CASP5: variants seen among roughly 807,000 people sequenced by gnomAD.
CASP5 encodes caspase-5.
In CASP5, 42 loss-of-function variants were observed where a neutral mutation model predicts 45.2. That is an observed-to-expected ratio of 0.93 (90% CI 0.73 to 1.20). CASP5 has a LOEUF of 1.20. CASP5 is among the 50% of genes most tolerant of loss of function. CASP5 has a pLI of 0.00. For missense variants in CASP5, 512 were observed against 532.2 expected (o/e 0.96, Z 0.37); for synonymous variants, 209 against 186.2 (o/e 1.12, Z -1.00).
At chr11:105,015,982 A>G (rs1360832078) in intron 1 of CASP5, among the ~76,000 whole-genome samples, 1 of 152,240 alleles carries the variant, frequency 6.6e-6, no homozygotes, top group African/African-American at 2.4e-5. Context: ...ATGAATAAGT[A>G]TATTTTGAAA....
chr11:105,007,352 A>G lies in CASP5; in HGVS notation c.182-18T>C. ...GTTGTCTTCTGTCAGAAATAGAAAG[A>G]CTCCTTTAACTATGGGCACAGCTTA... On this transcript the variant is annotated intron_variant, in intron 2 of 9. Transcript: ENST00000260315. The G allele has an allele frequency of 6.3e-7, 1 of 1,583,798 alleles. No homozygotes were observed. Among genetic ancestry groups the G allele is most frequent in the Non-Finnish European group, 8.5e-7 (1 of 1,173,898 alleles).
At chr11:105,003,599 C>G (rs1446232643) in intron 3 of CASP5, among the ~76,000 whole-genome samples, 1 of 151,784 alleles carries the variant, frequency 6.6e-6, no homozygotes, top group Non-Finnish European at 1.5e-5. Context: ...GAAGAAGATG[C>G]AACTATAGAT....
Position 105,002,206 on chromosome 11 carries a change from A to G in CASP5, c.544-5T>C, listed in dbSNP as rs1255642179. On this transcript the variant is annotated splice_region_variant and splice_polypyrimidine_tract_variant and intron_variant, in intron 4 of 9. Coordinates refer to ENST00000260315, the MANE Select transcript of CASP5 (RefSeq NM_004347.5). Reference sequence around the variant, plus strand: ...TCTCTTTTTTATTGGATAGATCTGCAGGAGATGGAGATGAAGCAACTTTGA... The same window carrying G: ...TCTCTTTTTTATTGGATAGATCTGCGGGAGATGGAGATGAAGCAACTTTGA... 6.2e-7 allele frequency: 1 copy of G among 1,612,888 alleles called. No individual in the cohort carries two copies. The highest frequency in any genetic ancestry group is 1.3e-5 in the African/African-American group (1 of 74,784).
chr11:105,006,966 G>T, intron 3 of CASP5, 117 bp downstream of exon 3: 1 of 921,246 alleles, frequency 1.1e-6, no homozygotes. Context: ...CATGTTTACT[G>T]AAAATGAGAG....
In CASP5 at chr11:105,003,265, G is replaced by T. The variant is rs184984254; in HGVS notation, c.543+9C>A. 4.8e-6 allele frequency: 7 copies of T among 1,457,732 alleles called. No individual in the cohort carries two copies. The African/African-American group carries it at 5.6e-5, about 12-fold the overall frequency. 90.3% of individuals were successfully genotyped at this position (1,457,732 alleles called of 1,614,324 possible). A position where few individuals can be genotyped will look rare whatever the true frequency, so the allele number is the denominator to read the frequency against. The stretch of plus-strand genomic sequence containing the variant: ...TCTTCTTCCCCATTTCATACAGAGA[G>T]CACAGCACCTCATCATGATTTTTTT... On this transcript the variant is annotated intron_variant, in intron 4 of 9. Transcript: ENST00000260315.
intron 1 of CASP5, among the ~76,000 whole-genome samples, chr11:105,015,068 A>G (rs919295166): frequency 5.3e-5 from 8 of 152,326 alleles, no homozygotes; most frequent in African/African-American, 1.9e-4. Context: ...GAAAGTATTG[A>G]AGTGTGCAGC....
At chr11:105,012,150 T>C (rs1862381858) in intron 1 of CASP5, among the ~76,000 whole-genome samples, 3 of 151,780 alleles carry the variant, frequency 2.0e-5, no homozygotes, top group Non-Finnish European at 4.4e-5. Flanking sequence ...GTAAATTTAT[T>C]TTTGACAAAG....
intron 3 of CASP5, among the ~76,000 whole-genome samples, chr11:105,005,747 C>G (rs930952386): frequency 2.0e-5 from 3 of 152,102 alleles, no homozygotes; most frequent in African/African-American, 7.2e-5. Context: ...TCTGGGATTG[C>G]TAAAATCATT....
At chr11:105,018,782 A>G (rs1862776442) in intron 1 of CASP5, among the ~76,000 whole-genome samples, 1 of 140,690 alleles carries the variant, frequency 7.1e-6, no homozygotes, top group African/African-American at 2.6e-5. Context: ...CAGGAATTGA[A>G]CTCAGCTCTG....
intron 1 of CASP5, among the ~76,000 whole-genome samples, chr11:105,022,856 C>T (rs1261438451): frequency 6.6e-6 from 1 of 152,084 alleles, no homozygotes. Context: ...AAATAACTTA[C>T]TCTGTCTTTC....
At chr11:105,014,288 C>A (rs1203449249) in intron 1 of CASP5, among the ~76,000 whole-genome samples, 2 of 136,032 alleles carry the variant, frequency 1.5e-5, no homozygotes, top group Non-Finnish European at 3.3e-5. Flanking sequence ...AGTCTAAGAC[C>A]AGATGGCATT....
intron 3 of CASP5, among the ~76,000 whole-genome samples, chr11:105,005,565 T>C (rs1861963291): frequency 6.6e-6 from 1 of 152,100 alleles, no homozygotes; most frequent in Non-Finnish European, 1.5e-5. Flanking sequence ...GCTGTGCCAG[T>C]GTACTCAAAG....
chr11:105,021,315 TA>T (rs1485827549), intron 1 of CASP5, among the ~76,000 whole-genome samples: 5 of 145,358 alleles, frequency 3.4e-5, no homozygotes, highest in African/African-American at 1.2e-4. Flanking sequence ...AAATGGGATC[TA>T]ATTAAACTAA....
chr11:105,012,500 G>A (rs1465793368), intron 1 of CASP5, among the ~76,000 whole-genome samples: 1 of 151,742 alleles, frequency 6.6e-6, no homozygotes, highest in African/African-American at 2.4e-5. Flanking sequence ...CAACAGAATA[G>A]GAGTAAATAT....
At chr11:105,013,282 G>GA (rs1862440108) in intron 1 of CASP5, among the ~76,000 whole-genome samples, 1 of 152,008 alleles carries the variant, frequency 6.6e-6, no homozygotes, top group Non-Finnish European at 1.5e-5. Context: ...AGTTTGGGGA[G>GA]ATGTTGATCA....
intron 3 of CASP5, among the ~76,000 whole-genome samples, chr11:105,003,849 A>G (rs1159667618): frequency 6.6e-6 from 1 of 151,130 alleles, no homozygotes; most frequent in Non-Finnish European, 1.5e-5. Context: ...TACAAAAGGT[A>G]AAAATAATTG....
chr11:104,995,869 A>G, intron 8 of CASP5, 27 bp from the exon 9 acceptor site: 1 of 1,470,766 alleles, frequency 6.8e-7, no homozygotes, highest in South Asian at 1.1e-5. Flanking sequence ...TAGATGAGAT[A>G]TGAGGGATTT....
chr11:104,998,040 T>C (rs1024223508), intron 7 of CASP5, among the ~76,000 whole-genome samples: 1 of 152,180 alleles, frequency 6.6e-6, no homozygotes, highest in Non-Finnish European at 1.5e-5. Flanking sequence ...CTGTCTTATA[T>C]ACTTAAAAAT....
chr11:104,995,597 A>T (rs1274956602), intron 9 of CASP5, 143 bp downstream of exon 9: 1 of 516,006 alleles, frequency 1.9e-6, no homozygotes, highest in African/African-American at 1.9e-5. Context: ...AGAATAAAAA[A>T]GAGCAAATAA....
Sources: gnomAD v4.1 joint callset for allele counts (sites outside exome capture counted in the v4.1 genomes callset) on GRCh38, gnomAD v4.1.1 for gene constraint, MANE v1.5 for transcripts, NCBI Gene and HGNC (gene_info 2026-07-23, HGNC 2026-07-21) for gene names.